UBASH3A: variants seen among roughly 807,000 people sequenced by gnomAD.
UBASH3A encodes ubiquitin associated and SH3 domain containing A, also known as ubiquitin-associated and SH3 domain-containing protein A.
Under a neutral mutation model 73.5 loss-of-function variants are expected in UBASH3A, and 63 were observed. That is an observed-to-expected ratio of 0.86 (90% CI 0.70 to 1.06). The LOEUF (loss-of-function observed/expected upper bound fraction) is 1.06, where lower values mean the gene tolerates loss of function less well. Among genes scored for constraint, UBASH3A ranks in the 50% least tolerant of loss-of-function variants. The probability of loss-of-function intolerance (pLI) is 0.00; values close to 1 mark genes in which losing one functional copy is unlikely to be tolerated. For missense variants in UBASH3A, 860 were observed against 859.0 expected, an observed-to-expected ratio of 1.00 and a Z score of -0.02; for synonymous variants, 363 against 351.1, an observed-to-expected ratio of 1.03 and a Z score of -0.38.
At chr21:42,431,604 A>G (rs992306073) in intron 8 of UBASH3A, among the ~76,000 whole-genome samples, 2 of 152,252 alleles carry the variant, frequency 1.3e-5, no homozygotes, top group African/African-American at 2.4e-5. Flanking sequence ...GGTGCTCAGA[A>G]GCAGAATTCA....
intron 1 of UBASH3A, among the ~76,000 whole-genome samples, chr21:42,405,985 G>GC (rs202197094): frequency 0.13 from 6,693 of 51,840 alleles, 636 homozygotes; most frequent in African/African-American, 0.36. Context: ...CTAGGCAGTG[G>GC]GGGGGGGGGG....
chr21:42,407,325 A>G (rs2052997376), intron 2 of UBASH3A, among the ~76,000 whole-genome samples: 1 of 152,298 alleles, frequency 6.6e-6, no homozygotes, highest in South Asian at 2.1e-4. Flanking sequence ...TGGGTCTCTG[A>G]ACGTGCAGTG....
chr21:42,434,772 G>A, intron 9 of UBASH3A, 60 bp from the exon 10 acceptor site: 1 of 1,551,458 alleles, frequency 6.4e-7, no homozygotes, highest in Non-Finnish European at 8.7e-7. Flanking sequence ...TGGGAGTTTT[G>A]TGGAACAAAT....
intron 1 of UBASH3A, 138 bp downstream of exon 1, chr21:42,404,196 C>T: frequency 2.4e-6 from 1 of 424,998 alleles, no homozygotes; most frequent in East Asian, 3.6e-5. Context: ...TAAGACACTG[C>T]CTCTTCACAG....
At chr21:42,405,285 G>A (rs2052945721) in intron 1 of UBASH3A, among the ~76,000 whole-genome samples, 1 of 152,166 alleles carries the variant, frequency 6.6e-6, no homozygotes, top group South Asian at 2.1e-4. Context: ...GGCAGCTTTT[G>A]TCCACTGCTC....
chr21:42,409,871 C>A (rs1469577149), intron 3 of UBASH3A, among the ~76,000 whole-genome samples: 1 of 152,130 alleles, frequency 6.6e-6, no homozygotes. Flanking sequence ...GGAGTTGCTG[C>A]CCATTTTCTC....
intron 8 of UBASH3A, among the ~76,000 whole-genome samples, chr21:42,431,242 C>G (rs1039075498): frequency 2.0e-5 from 3 of 152,224 alleles, no homozygotes. Flanking sequence ...ACAGAGCCCC[C>G]CACAACACCA....
chr21:42,421,621 T>A (rs2053339935), intron 7 of UBASH3A, among the ~76,000 whole-genome samples: 1 of 152,208 alleles, frequency 6.6e-6, no homozygotes, highest in Non-Finnish European at 1.5e-5. Flanking sequence ...CATCTATACA[T>A]CCAGGGAATT....
chr21:42,441,424 T>A (rs12627227), intron 11 of UBASH3A, among the ~76,000 whole-genome samples: 80,560 of 137,316 alleles, frequency 0.59, 24,293 homozygotes, highest in Non-Finnish European at 0.67. Context: ...GGGCCTGGTT[T>A]ATCAGGGAGG....
intron 5 of UBASH3A, 41 bp from the exon 6 acceptor site, chr21:42,416,401 A>G: frequency 1.3e-6 from 2 of 1,510,790 alleles, no homozygotes; most frequent in African/African-American, 1.4e-5. Flanking sequence ...ACATTTAGGT[A>G]ACGGTGTCCT....
rs1211170596 is a variant in UBASH3A at position 42,447,097 on chromosome 21, A to T, written c.1889A>T (p.Glu630Val). Residue 630 changes from glutamate to valine, a missense_variant, in exon 15 of 15, where the codon GAG (glutamate) becomes GTG (valine). Glu to Val is a moderately radical substitution (Grantham distance 121, BLOSUM62 -2). Transcript: ENST00000319294. Reference sequence around the variant, plus strand: ...ATGTGCTTCTGTGAAGAAAATAAAGAGGAAGGAAAATGGGAGTTGGTGAAC... The same window carrying T: ...ATGTGCTTCTGTGAAGAAAATAAAGTGGAAGGAAAATGGGAGTTGGTGAAC... ...LGMCFCEENK[E>V]EGKWELVNPP... The T allele has an allele frequency of 1.2e-6, 2 of 1,614,044 alleles. No individual in the cohort carries two copies. The highest frequency in any genetic ancestry group is 2.7e-5 in the African/African-American group (2 of 74,954).
chr21:42,408,780 G>A (rs1341890728), intron 2 of UBASH3A, among the ~76,000 whole-genome samples: 3 of 152,038 alleles, frequency 2.0e-5, no homozygotes, highest in Admixed American at 6.5e-5. Context: ...CCAGTCAGGA[G>A]GCTGAGGCAG....
intron 1 of UBASH3A, chr21:42,404,284 G>A (rs910226324): frequency 5.6e-6 from 2 of 359,672 alleles, no homozygotes; most frequent in Non-Finnish European, 9.9e-6. Flanking sequence ...GACAGCTTTG[G>A]GCTTAAGCCA....
intron 11 of UBASH3A, among the ~76,000 whole-genome samples, chr21:42,438,963 G>A (rs569404735): frequency 2.6e-5 from 4 of 152,212 alleles, no homozygotes; most frequent in South Asian, 2.1e-4. Flanking sequence ...CCGGGGCCAC[G>A]AGGGGCCGGG....
chr21:42,443,337 A>G lies in UBASH3A; in HGVS notation c.1657A>G (p.Met553Val), dbSNP rs150016827. ...GCCCGCGTTTCCCCTGTCCGCCCTC[A>G]TGCCGGCCGAGAGCTACCAGGAGTA... ...YRPAFPLSAL[M>V]PAESYQEYMD... The change falls in exon 13 of 15, where the codon ATG (methionine) becomes GTG (valine). Residue 553 changes from methionine to valine, a missense_variant. Coordinates refer to ENST00000319294, the MANE Select transcript of UBASH3A (RefSeq NM_018961.4). The G allele has an allele frequency of 1.4e-5, 23 of 1,612,874 alleles. No individual in the cohort carries two copies. Among genetic ancestry groups the G allele is most frequent in the Non-Finnish European group, 2.0e-5 (23 of 1,179,464 alleles).
At chr21:42,414,691 C>A (rs1269065313) in intron 5 of UBASH3A, among the ~76,000 whole-genome samples, 2 of 152,142 alleles carry the variant, frequency 1.3e-5, no homozygotes, top group Non-Finnish European at 2.9e-5. Context: ...AGCCACAAGC[C>A]AAGGGACGCC....
intron 8 of UBASH3A, among the ~76,000 whole-genome samples, chr21:42,431,028 G>A (rs2053519094): frequency 6.6e-6 from 1 of 152,230 alleles, no homozygotes; most frequent in Non-Finnish European, 1.5e-5. Context: ...CAGGGTCCTG[G>A]TGCAGGGCTT....
chr21:42,413,237 C>T lies in UBASH3A; in HGVS notation c.553+15C>T. 6 of 1,613,716 alleles carry T rather than the reference C, an allele frequency of 3.7e-6. No homozygotes were observed. Among genetic ancestry groups the T allele is most frequent in the Non-Finnish European group, 5.1e-6 (6 of 1,179,668 alleles). Reference sequence around the variant, plus strand: ...TCTCTTAGCAGGTGGGCAGCCCTGGCCAGTTGCAAACACAGGGCTGGATTC... The same window carrying T: ...TCTCTTAGCAGGTGGGCAGCCCTGGTCAGTTGCAAACACAGGGCTGGATTC... On this transcript the variant is annotated intron_variant, in intron 4 of 14. Coordinates refer to ENST00000319294, the MANE Select transcript of UBASH3A (RefSeq NM_018961.4). This position sits in a 1 kb window ranked among gnomAD's most constrained non-coding sequence, Gnocchi z 4.5.
intron 1 of UBASH3A, 134 bp downstream of exon 1, chr21:42,404,192 A>G (rs1227069819): frequency 2.3e-6 from 1 of 433,256 alleles, no homozygotes; most frequent in East Asian, 3.6e-5. Flanking sequence ...AGGGTAAGAC[A>G]CTGCCTCTTC....
Sources: allele counts gnomAD v4.1 joint callset (sites outside exome capture counted in the v4.1 genomes callset), GRCh38; gene constraint gnomAD v4.1.1; non-coding constraint Gnocchi (gnomAD v3.1); transcripts MANE v1.5; gene names NCBI Gene and HGNC (gene_info 2026-07-23, HGNC 2026-07-21).